Variants in FSTL5 observed in about 807,000 individuals in gnomAD.
The protein encoded by FSTL5 is follistatin like 5.
In FSTL5, 62 loss-of-function variants were observed where a neutral mutation model predicts 89.1. That is an observed-to-expected ratio of 0.70 (90% CI 0.57 to 0.86). The LOEUF (loss-of-function observed/expected upper bound fraction) is 0.86, where lower values mean the gene tolerates loss of function less well. Ranked by LOEUF, FSTL5 falls within the 40% of genes least tolerant of loss-of-function variation. The pLI, the probability that FSTL5 is intolerant of heterozygous loss-of-function variation, is 0.00. For missense variants in FSTL5, 1,057 were observed against 1,001.6 expected, an observed-to-expected ratio of 1.06 and a Z score of -0.75; for synonymous variants, 383 against 346.2, an observed-to-expected ratio of 1.11 and a Z score of -1.18.
At chr4:161,479,699 C>T (rs1729432712) in intron 13 of FSTL5, among the ~76,000 whole-genome samples, 1 of 151,874 alleles carries the variant, frequency 6.6e-6, no homozygotes, top group Non-Finnish European at 1.5e-5. Flanking sequence ...AAATGTGTAA[C>T]CTCAGGGCCT....
rs893556774 is a variant in FSTL5 at position 162,101,789 on chromosome 4, T to C, written c.126+9482A>G. Among the ~76,000 whole-genome samples the C allele has an allele frequency of 5.9e-5, 9 of 152,188 alleles. No individual in the cohort carries two copies. In the East Asian group the frequency reaches 1.7e-3, roughly 29 times the overall value. ...AAACCAGAATATTTCTTTTCATTTG[T>C]AACACAGAGCTTTGCTAATTGAAGT... On this transcript the variant is annotated intron_variant, in intron 2 of 15. Transcript: ENST00000306100.
chr4:162,095,505 C>G (rs1223943731), intron 2 of FSTL5, among the ~76,000 whole-genome samples: 1 of 151,886 alleles, frequency 6.6e-6, no homozygotes, highest in Non-Finnish European at 1.5e-5. Context: ...AATGTCGAAT[C>G]CTGGGAGGTG....
intron 7 of FSTL5, among the ~76,000 whole-genome samples, chr4:161,627,319 T>C (rs1735348387): frequency 6.6e-6 from 1 of 152,220 alleles, no homozygotes; most frequent in Non-Finnish European, 1.5e-5. Context: ...TATGACTTGC[T>C]GAAGGCTCAG....
rs1283162539 is a variant in FSTL5 at position 161,459,453 on chromosome 4, C to A, written c.1609-134G>T. The A allele has an allele frequency of 1.7e-5, 9 of 537,386 alleles. No homozygotes were observed. In the Admixed American group the frequency reaches 1.9e-4, roughly 11 times the overall value. 33.3% of individuals were successfully genotyped at this position (537,386 alleles called of 1,614,324 possible). On this transcript the variant is annotated intron_variant, in intron 13 of 15. Coordinates refer to ENST00000306100, the MANE Select transcript of FSTL5 (RefSeq NM_020116.5). ...TGCCAAATATATAATTTCCTTAGCC[C>A]TTATTTGATATTTGAAAATATCATA...
intron 4 of FSTL5, among the ~76,000 whole-genome samples, chr4:161,885,220 A>G (rs1732769289): frequency 6.6e-6 from 1 of 152,174 alleles, no homozygotes; most frequent in Non-Finnish European, 1.5e-5. Flanking sequence ...TAAAAGTTAA[A>G]TAAACACAAA....
intron 6 of FSTL5, among the ~76,000 whole-genome samples, chr4:161,716,575 C>A (rs2126745596): frequency 6.6e-6 from 1 of 152,052 alleles, no homozygotes; most frequent in Middle Eastern, 3.4e-3. Flanking sequence ...CCAGCCTGGG[C>A]AACAGAGCGA....
chr4:161,538,612 A>G (rs1731713893), intron 9 of FSTL5, among the ~76,000 whole-genome samples: 1 of 152,142 alleles, frequency 6.6e-6, no homozygotes, highest in Non-Finnish European at 1.5e-5. Context: ...ATATTTACTT[A>G]TAATATTCAG....
At chr4:161,593,078 T>C (rs993378576) in intron 7 of FSTL5, among the ~76,000 whole-genome samples, 8 of 152,192 alleles carry the variant, frequency 5.3e-5, no homozygotes, top group Non-Finnish European at 8.8e-5. Flanking sequence ...TTAGAATTTT[T>C]CATGTTTATT....
chr4:161,710,937 G>T (rs558078713), intron 6 of FSTL5, among the ~76,000 whole-genome samples: 1 of 152,144 alleles, frequency 6.6e-6, no homozygotes, highest in African/African-American at 2.4e-5. Flanking sequence ...GTCCTAAATA[G>T]ATAATGCATT....
intron 2 of FSTL5, among the ~76,000 whole-genome samples, chr4:162,107,884 G>A (rs1731284248): frequency 1.3e-5 from 2 of 151,716 alleles, no homozygotes; most frequent in South Asian, 4.2e-4. Context: ...TACCTCTCTG[G>A]GTTTTAATAA....
chr4:161,725,463 T>G lies in FSTL5; in HGVS notation c.727+33948A>C, dbSNP rs555167340. On this transcript the variant is annotated intron_variant, in intron 6 of 15. Coordinates refer to ENST00000306100, the MANE Select transcript of FSTL5 (RefSeq NM_020116.5). ...AATCCAAATATAGAATTTAAAACAT[T>G]TACTATATTAAAAGTTACTTGCGGG... 1.1e-4 allele frequency among the ~76,000 whole-genome samples: 16 copies of G among 151,874 alleles called. No individual in the cohort carries two copies. The South Asian group carries it at 3.3e-3, about 32-fold the overall frequency.
At chr4:161,769,133 T>C (rs992887543) in intron 5 of FSTL5, among the ~76,000 whole-genome samples, 4 of 151,960 alleles carry the variant, frequency 2.6e-5, no homozygotes, top group Non-Finnish European at 5.9e-5. Context: ...CTACCAATAT[T>C]GAACCAGGAA....
chr4:161,781,152 T>TAAAATCTA (rs1560841967), intron 4 of FSTL5, among the ~76,000 whole-genome samples: 1 of 152,064 alleles, frequency 6.6e-6, no homozygotes. Flanking sequence ...ATATTTTAGA[T>TAAAATCTA]AAATATTTTG....
chr4:161,554,199 C>A (rs1455070284), intron 8 of FSTL5, among the ~76,000 whole-genome samples: 1 of 151,220 alleles, frequency 6.6e-6, no homozygotes, highest in Admixed American at 6.6e-5. Context: ...AAACATTTAT[C>A]ATCCGAAAAC....
intron 15 of FSTL5, among the ~76,000 whole-genome samples, chr4:161,404,248 G>A (rs1351473368): frequency 6.6e-6 from 1 of 152,212 alleles, no homozygotes; most frequent in Non-Finnish European, 1.5e-5. Context: ...CTACTGAAGC[G>A]TGGGTCAATT....
At chr4:161,706,292 G>A (rs1042323685) in intron 6 of FSTL5, among the ~76,000 whole-genome samples, 3 of 151,588 alleles carry the variant, frequency 2.0e-5, no homozygotes, top group African/African-American at 7.3e-5. Flanking sequence ...GAAAGCAGTT[G>A]ATAATAATTT....
rs1337268498 is a variant in FSTL5, at chr4:161,528,233, C to G, written c.1312+9933G>C. On this transcript the variant is annotated intron_variant, in intron 10 of 15. Transcript: ENST00000306100. ...ATGGGTGCAGCACACCAGCATGTCA[C>G]ATGTATACATATGTAACTAACCTGC... Among the ~76,000 whole-genome samples, 2 of 140,372 alleles carry G rather than the reference C, an allele frequency of 1.4e-5. 1 individual carries two copies. The highest frequency in any genetic ancestry group is 1.5e-4 in the Admixed American group (2 of 12,954). The allele number at this position is 140,372 out of a possible 152,430, so 92.1% of individuals were successfully genotyped here. A position where few individuals can be genotyped will look rare whatever the true frequency, so the allele number is the denominator to read the frequency against.
At chr4:161,905,759 C>T (rs1010749530) in intron 4 of FSTL5, among the ~76,000 whole-genome samples, 8 of 152,070 alleles carry the variant, frequency 5.3e-5, no homozygotes, top group Middle Eastern at 3.2e-3. Context: ...TTTGTGAGAA[C>T]GATTTCTTTT....
Position 161,742,385 on chromosome 4 carries a change from T to C in FSTL5, c.727+17026A>G, listed in dbSNP as rs77028839. ...TGCTGGGCTGAACTATGAAGACTCA[T>C]ATTGAGGACAGAGAGAGGGGACCAG... On this transcript the variant is annotated intron_variant, in intron 6 of 15. Coordinates refer to ENST00000306100, the MANE Select transcript of FSTL5 (RefSeq NM_020116.5). Among the ~76,000 whole-genome samples the C allele has an allele frequency of 7.7e-3, 1,172 of 152,282 alleles. 31 individuals are homozygous for C. Among genetic ancestry groups the C allele is most frequent in the South Asian group, 0.061 (292 of 4,826 alleles).
Sources: allele counts gnomAD v4.1 joint callset (sites outside exome capture counted in the v4.1 genomes callset), GRCh38; gene constraint gnomAD v4.1.1; transcripts MANE v1.5; gene names NCBI Gene and HGNC (gene_info 2026-07-23, HGNC 2026-07-21).